Variants in THRB observed in about 807,000 individuals in gnomAD.
THRB encodes the protein nuclear receptor subfamily 1 group A member 2.
A neutral mutation model predicts 47.8 loss-of-function variants in THRB; 12 were observed. That is an observed-to-expected ratio of 0.25 (90% CI 0.16 to 0.41). The LOEUF (loss-of-function observed/expected upper bound fraction) is 0.41, where lower values mean the gene tolerates loss of function less well. Among genes scored for constraint, THRB ranks in the 10% least tolerant of loss-of-function variants. The pLI, the probability that THRB is intolerant of heterozygous loss-of-function variation, is 1.00. For missense variants in THRB, 348 were observed against 589.2 expected, an observed-to-expected ratio of 0.59 and a Z score of 4.24; for synonymous variants, 218 against 212.2, an observed-to-expected ratio of 1.03 and a Z score of -0.24.
chr3:24,196,904 A>G (rs1448489290), intron 4 of THRB, among the ~76,000 whole-genome samples: 7 of 152,224 alleles, frequency 4.6e-5, no homozygotes, highest in African/African-American at 1.4e-4. Context: ...TCAACCTTCA[A>G]GGTCTAGTTC....
chr3:24,290,523 C>T (rs1011731213), intron 3 of THRB, among the ~76,000 whole-genome samples: 3 of 152,182 alleles, frequency 2.0e-5, no homozygotes, highest in African/African-American at 7.2e-5. Context: ...ATCAAAGTTC[C>T]TCCCTAGTTA....
At chr3:24,221,941 A>G (rs1221692853) in intron 4 of THRB, among the ~76,000 whole-genome samples, 3 of 152,242 alleles carry the variant, frequency 2.0e-5, no homozygotes, top group Non-Finnish European at 4.4e-5. Context: ...GAGGACAGAG[A>G]CAGTCAGAGC....
chr3:24,431,530 C>G lies in THRB; in HGVS notation c.-261+63122G>C, dbSNP rs185558281. ...GTGGAGCAAAAAGAAGCCTAATGCACCACTTCTTGGAGGGAGTGTTGACCA... is the reference window on the plus strand; with the variant it reads ...GTGGAGCAAAAAGAAGCCTAATGCAGCACTTCTTGGAGGGAGTGTTGACCA... On this transcript the variant is annotated intron_variant, in intron 1 of 10. Transcript: ENST00000646209. Among the ~76,000 whole-genome samples the G allele has an allele frequency of 4.5e-4, 68 of 152,106 alleles. No homozygotes were observed. In the East Asian group the frequency reaches 5.2e-3, roughly 12 times the overall value.
chr3:24,406,174 T>C (rs1412703476), intron 1 of THRB, among the ~76,000 whole-genome samples: 2 of 151,702 alleles, frequency 1.3e-5, no homozygotes, highest in Admixed American at 6.6e-5. Flanking sequence ...TTCCTTGTCA[T>C]TATATTTGCT....
intron 1 of THRB, among the ~76,000 whole-genome samples, chr3:24,443,290 A>T (rs2071735099): frequency 6.6e-6 from 1 of 152,356 alleles, no homozygotes; most frequent in East Asian, 1.9e-4. Flanking sequence ...TAGAGAAAAC[A>T]ATCTGACAAC....
At chr3:24,260,063 C>T (rs1053433478) in intron 3 of THRB, among the ~76,000 whole-genome samples, 13 of 152,172 alleles carry the variant, frequency 8.5e-5, no homozygotes, top group Admixed American at 3.9e-4. Flanking sequence ...CTTATCACCT[C>T]AACCCTAAGC....
chr3:24,260,434 G>T (rs1039160781), intron 3 of THRB, among the ~76,000 whole-genome samples: 5 of 152,180 alleles, frequency 3.3e-5, no homozygotes, highest in African/African-American at 1.2e-4. Flanking sequence ...TGGTCTTCAG[G>T]AAATGGTACA....
intron 4 of THRB, among the ~76,000 whole-genome samples, chr3:24,218,967 C>A (rs1432144157): frequency 6.6e-6 from 1 of 152,178 alleles, no homozygotes; most frequent in African/African-American, 2.4e-5. Flanking sequence ...ATTAAAGCAG[C>A]ATAGAATAGC....
intron 3 of THRB, among the ~76,000 whole-genome samples, chr3:24,247,378 G>C (rs796150117): frequency 1.2e-4 from 18 of 152,268 alleles, no homozygotes; most frequent in African/African-American, 3.6e-4. Context: ...TAAGGATTCT[G>C]CTGCCTCCTT....
At chr3:24,190,376 G>T (rs150906531) in intron 4 of THRB, 42 bp from the exon 5 acceptor site, 1 of 1,613,536 alleles carries the variant, frequency 6.2e-7, no homozygotes, top group Admixed American at 1.7e-5. Context: ...TGTTGGCATT[G>T]TCAAGATTTT....
At position 24,219,657 on chromosome 3, in the gene THRB, A is replaced by T. The variant is rs530559880; in HGVS notation, c.22+9281T>A. On this transcript the variant is annotated intron_variant, in intron 4 of 10. Transcript: ENST00000646209. ...GGTTAGGCCTAGATTAAAGGGTAAT[A>T]TTTTAGATTTTTTTGTAGGTACTCA... Among the ~76,000 whole-genome samples, 9 of 152,306 alleles carry T rather than the reference A, an allele frequency of 5.9e-5. No homozygotes were observed. In the South Asian group the frequency reaches 1.5e-3, roughly 25 times the overall value.
At chr3:24,186,748 C>T (rs1277520885) in intron 5 of THRB, among the ~76,000 whole-genome samples, 1 of 151,930 alleles carries the variant, frequency 6.6e-6, no homozygotes, top group Non-Finnish European at 1.5e-5. Flanking sequence ...GAGTTTGAGA[C>T]CTGCCTGGCC....
In THRB at chr3:24,421,269, T is replaced by C. The variant is rs530190281; in HGVS notation, c.-261+73383A>G. Among the ~76,000 whole-genome samples the C allele has an allele frequency of 5.3e-5, 8 of 151,698 alleles. No individual in the cohort carries two copies. The South Asian group carries it at 1.7e-3, about 32-fold the overall frequency. On this transcript the variant is annotated intron_variant, in intron 1 of 10. Coordinates refer to ENST00000646209, the MANE Select transcript of THRB (RefSeq NM_001354712.2). ...GGTACTAGGCTTACTACCTGGGTGA[T>C]GAAATAATCTTTACAACAAACCCCC... is the stretch of plus-strand genomic sequence containing the variant.
chr3:24,165,019 G>A, intron 5 of THRB: 2 of 738,786 alleles, frequency 2.7e-6, no homozygotes, highest in South Asian at 2.8e-5. Flanking sequence ...AAGCAAAATG[G>A]TCCCTACCTT....
chr3:24,478,161 T>C (rs1695774885), intron 1 of THRB, among the ~76,000 whole-genome samples: 1 of 152,172 alleles, frequency 6.6e-6, no homozygotes, highest in Admixed American at 6.5e-5. Context: ...AGCCAGTCAT[T>C]GTAACTGTTT....
At chr3:24,302,101 C>A (rs73148364) in intron 2 of THRB, among the ~76,000 whole-genome samples, 4,521 of 152,280 alleles carry the variant, frequency 0.03, 245 homozygotes, top group African/African-American at 0.1. Context: ...GCAGCAATAG[C>A]AAATCAATAC....
intron 1 of THRB, among the ~76,000 whole-genome samples, chr3:24,457,686 T>G (rs2073317320): frequency 6.6e-6 from 1 of 152,176 alleles, no homozygotes; most frequent in South Asian, 2.1e-4. Context: ...CTATTTTTAT[T>G]TTTTCTAAAA....
intron 1 of THRB, among the ~76,000 whole-genome samples, chr3:24,431,673 G>A (rs537489125): frequency 6.6e-6 from 1 of 152,170 alleles, no homozygotes; most frequent in African/African-American, 2.4e-5. Context: ...ACACATGGAA[G>A]GAAATTCACA....
chr3:24,444,650 C>A (rs548556849), intron 1 of THRB, among the ~76,000 whole-genome samples: 133 of 152,266 alleles, frequency 8.7e-4, no homozygotes, highest in Non-Finnish European at 1.6e-3. Context: ...GTTGCCCAGG[C>A]CAGAGTGCAA....
Sources: allele counts gnomAD v4.1 joint callset (sites outside exome capture counted in the v4.1 genomes callset), GRCh38; gene constraint gnomAD v4.1.1; transcripts MANE v1.5; gene names NCBI Gene and HGNC (gene_info 2026-07-23, HGNC 2026-07-21).